The following PPP2R5A variants were observed in gnomAD, a reference collection of about 807,000 sequenced individuals.
PPP2R5A encodes protein phosphatase 2 regulatory subunit B'alpha.
PPP2R5A carries 25 observed loss-of-function variants against 64.2 expected under a neutral mutation model. The ratio of observed to expected loss-of-function variants is 0.39; its 90% confidence interval spans 0.28 to 0.54. The LOEUF is 0.54. PPP2R5A is among the 20% of genes least tolerant of loss of function. The pLI, the probability that PPP2R5A is intolerant of heterozygous loss-of-function variation, is 0.67. For synonymous variants in PPP2R5A, 198 were observed against 201.2 expected, an observed-to-expected ratio of 0.98 and a Z score of 0.13; for missense variants, 425 against 576.3, an observed-to-expected ratio of 0.74 and a Z score of 2.69.
In PPP2R5A at chr1:212,361,693, A is replaced by T. The variant is rs1439956827; in HGVS notation, c.*923A>T. On this transcript the variant is annotated 3_prime_UTR_variant, in exon 13 of 13. Transcript: ENST00000261461. Reference sequence around the variant, plus strand: ...GTAGAGCTCTGAAAAGGTTGACTATATAGAGGTCTTGTATGTTTTTACTTG... The same window carrying T: ...GTAGAGCTCTGAAAAGGTTGACTATTTAGAGGTCTTGTATGTTTTTACTTG... 2 of 152,688 alleles carry T rather than the reference A, an allele frequency of 1.3e-5. No homozygotes were observed. Among genetic ancestry groups the T allele is most frequent in the Non-Finnish European group, 1.5e-5 (1 of 68,052 alleles). 9.5% of individuals were successfully genotyped at this position (152,688 alleles called of 1,614,324 possible). A position where few individuals can be genotyped will look rare whatever the true frequency, so the allele number is the denominator to read the frequency against.
intron 3 of PPP2R5A, among the ~76,000 whole-genome samples, chr1:212,339,096 A>G (rs1021817575): frequency 6.6e-6 from 1 of 152,104 alleles, no homozygotes; most frequent in Non-Finnish European, 1.5e-5. Flanking sequence ...CATAATCTCA[A>G]TTATTCCATT....
intron 12 of PPP2R5A, among the ~76,000 whole-genome samples, chr1:212,359,689 T>TA (rs1660046278): frequency 6.6e-6 from 1 of 152,182 alleles, no homozygotes; most frequent in South Asian, 2.1e-4. Context: ...AGTTCCTAGT[T>TA]ATGGTTATCT....
chr1:212,352,717 T>C (rs756254274), intron 8 of PPP2R5A: 11 of 492,732 alleles, frequency 2.2e-5, no homozygotes, highest in Non-Finnish European at 3.6e-5. Flanking sequence ...CCCAAAGTGC[T>C]GGGATTAAAG....
chr1:212,301,077 A>G (rs1312523328), intron 1 of PPP2R5A, among the ~76,000 whole-genome samples: 2 of 152,110 alleles, frequency 1.3e-5, no homozygotes, highest in African/African-American at 2.4e-5. Context: ...GCAGTGGTGC[A>G]ATCTCCTCAC....
At chr1:212,308,909 T>A (rs917260217) in intron 1 of PPP2R5A, 16 of 441,390 alleles carry the variant, frequency 3.6e-5, no homozygotes, top group Non-Finnish European at 6.0e-5. Context: ...ACTCCAGGAT[T>A]TTCATTTTAT....
chr1:212,357,371 C>A, intron 11 of PPP2R5A, 87 bp downstream of exon 11: 3 of 1,252,248 alleles, frequency 2.4e-6, no homozygotes, highest in Non-Finnish European at 3.2e-6. Flanking sequence ...TACTTGAAAC[C>A]TATTACAGAT....
chr1:212,360,408 C>G (rs1323571805), intron 12 of PPP2R5A, among the ~76,000 whole-genome samples: 1 of 152,102 alleles, frequency 6.6e-6, no homozygotes, highest in Non-Finnish European at 1.5e-5. Context: ...GTGTAGGGGA[C>G]AGAAAGCAAG....
intron 1 of PPP2R5A, among the ~76,000 whole-genome samples, chr1:212,304,593 G>A (rs1658861801): frequency 6.6e-6 from 1 of 152,070 alleles, no homozygotes; most frequent in Non-Finnish European, 1.5e-5. Flanking sequence ...ATGTTGCCCA[G>A]GCTTGAGTGC....
intron 1 of PPP2R5A, among the ~76,000 whole-genome samples, chr1:212,294,271 T>C (rs1406601647): frequency 6.6e-6 from 1 of 152,174 alleles, no homozygotes; most frequent in African/African-American, 2.4e-5. Flanking sequence ...TGCCTCTAAA[T>C]TGATAAAAGT....
chr1:212,330,668 CT>C (rs1194381571), intron 2 of PPP2R5A, among the ~76,000 whole-genome samples: 7 of 151,962 alleles, frequency 4.6e-5, no homozygotes, highest in Non-Finnish European at 7.4e-5. Flanking sequence ...GCCTTCATTT[CT>C]TTCCCCTTGC....
chr1:212,320,657 C>T (rs1659259635), intron 1 of PPP2R5A, among the ~76,000 whole-genome samples: 2 of 115,506 alleles, frequency 1.7e-5, no homozygotes, highest in Non-Finnish European at 2.1e-5. Context: ...GCCTCCCTCC[C>T]GGATGGGGCG....
At chr1:212,350,506 T>C (rs1352213455) in intron 8 of PPP2R5A, among the ~76,000 whole-genome samples, 1 of 151,900 alleles carries the variant, frequency 6.6e-6, no homozygotes, top group Non-Finnish European at 1.5e-5. Flanking sequence ...ATACAAAAAT[T>C]AGCTGGGCAT....
chr1:212,333,684 C>A, intron 3 of PPP2R5A, 86 bp downstream of exon 3: 1 of 715,492 alleles, frequency 1.4e-6, no homozygotes, highest in South Asian at 3.8e-5. Flanking sequence ...TTCTGAGTGT[C>A]TGTGTAAAAT....
At chr1:212,332,831 T>C (rs1659525567) in intron 2 of PPP2R5A, among the ~76,000 whole-genome samples, 1 of 152,110 alleles carries the variant, frequency 6.6e-6, no homozygotes, top group Non-Finnish European at 1.5e-5. Context: ...ATTAGTAACT[T>C]TTTCCCTCGA....
At chr1:212,351,066 C>A (rs1571610611) in intron 8 of PPP2R5A, among the ~76,000 whole-genome samples, 2 of 149,778 alleles carry the variant, frequency 1.3e-5, no homozygotes, top group East Asian at 3.9e-4. Flanking sequence ...ATCACTTGAA[C>A]CCTGGAGGCG....
intron 1 of PPP2R5A, among the ~76,000 whole-genome samples, chr1:212,322,484 A>T: frequency 6.6e-6 from 1 of 152,320 alleles, no homozygotes; most frequent in Non-Finnish European, 1.5e-5. Flanking sequence ...TTTTTTAAAT[A>T]ATGAAAACCA....
chr1:212,306,123 G>A (rs998636507), intron 1 of PPP2R5A, among the ~76,000 whole-genome samples: 2 of 152,076 alleles, frequency 1.3e-5, no homozygotes, highest in South Asian at 2.1e-4. Flanking sequence ...GGGTCGGGTC[G>A]TACAATCTAA....
chr1:212,319,124 C>T (rs751203832), intron 1 of PPP2R5A, among the ~76,000 whole-genome samples: 1 of 152,090 alleles, frequency 6.6e-6, no homozygotes, highest in Non-Finnish European at 1.5e-5. Context: ...TCAAGAAAAC[C>T]TGGTTAAAAT....
chr1:212,356,762 A>C, intron 9 of PPP2R5A, 86 bp downstream of exon 9: 1 of 1,453,510 alleles, frequency 6.9e-7, no homozygotes. Flanking sequence ...GGCTGGCTGT[A>C]TTGCTGTTGC....
Sources: gnomAD v4.1 joint callset for allele counts (sites outside exome capture counted in the v4.1 genomes callset) on GRCh38, gnomAD v4.1.1 for gene constraint, MANE v1.5 for transcripts, NCBI Gene and HGNC (gene_info 2026-07-23, HGNC 2026-07-21) for gene names.